FRMPD2: variants seen among roughly 807,000 people sequenced by gnomAD.
FRMPD2 encodes FERM and PDZ domain containing 2, also known as FERM and PDZ domain-containing protein 2.
Under a neutral mutation model 140.1 loss-of-function variants are expected in FRMPD2, and 96 were observed. The observed-to-expected ratio is 0.69, with a 90% CI of 0.58 to 0.81. The LOEUF is 0.81. Ranked by LOEUF, FRMPD2 falls within the 40% of genes least tolerant of loss-of-function variation. The pLI is 0.00. For missense variants in FRMPD2, 1,240 were observed against 1,447.4 expected, an observed-to-expected ratio of 0.86 and a Z score of 2.32; for synonymous variants, 449 against 547.6, an observed-to-expected ratio of 0.82 and a Z score of 2.52.
At chr10:48,204,691 C>A (rs1027193178) in intron 14 of FRMPD2, among the ~76,000 whole-genome samples, 1 of 152,108 alleles carries the variant, frequency 6.6e-6, no homozygotes, top group Non-Finnish European at 1.5e-5. Context: ...GATTTCTTTT[C>A]TCATTCTGAA....
chr10:48,209,968 A>G (rs1350881990), intron 13 of FRMPD2, among the ~76,000 whole-genome samples: 1 of 152,220 alleles, frequency 6.6e-6, no homozygotes, highest in East Asian at 1.9e-4. Flanking sequence ...TACATACATA[A>G]AAGTGCATGT....
chr10:48,212,145 A>G (rs1839341088), intron 12 of FRMPD2, 36 bp from the exon 13 acceptor site: 3 of 1,605,904 alleles, frequency 1.9e-6, no homozygotes, highest in East Asian at 2.2e-5. Context: ...GGCACAATCC[A>G]GACACTGGCC....
intron 4 of FRMPD2, among the ~76,000 whole-genome samples, chr10:48,244,128 G>A (rs1840189154): frequency 6.6e-6 from 1 of 152,148 alleles, no homozygotes. Flanking sequence ...GGGACTATAG[G>A]CATACACCAC....
intron 13 of FRMPD2, among the ~76,000 whole-genome samples, chr10:48,208,584 A>C (rs1286805791): frequency 6.6e-6 from 1 of 152,252 alleles, no homozygotes; most frequent in Non-Finnish European, 1.5e-5. Flanking sequence ...TTAACAACTG[A>C]AATACAGGGA....
chr10:48,197,482 C>A (rs187941651), intron 15 of FRMPD2, among the ~76,000 whole-genome samples: 6 of 152,312 alleles, frequency 3.9e-5, no homozygotes, highest in Admixed American at 2.6e-4. Flanking sequence ...CTACTGGACT[C>A]CACAGGCCAC....
intron 1 of FRMPD2, among the ~76,000 whole-genome samples, chr10:48,262,232 C>A (rs1588860578): frequency 6.6e-6 from 1 of 152,114 alleles, no homozygotes; most frequent in East Asian, 1.9e-4. Flanking sequence ...AATATGAAGG[C>A]ACAAATAGGT....
At chr10:48,250,706 G>A (rs1652244) in intron 2 of FRMPD2, among the ~76,000 whole-genome samples, 105,443 of 151,678 alleles carry the variant, frequency 0.7, 38,292 homozygotes, top group African/African-American at 0.9. Context: ...CCACACCAGC[G>A]TTTTCTTATG....
intron 1 of FRMPD2, among the ~76,000 whole-genome samples, chr10:48,252,419 C>A (rs1400431672): frequency 6.6e-6 from 1 of 152,152 alleles, no homozygotes; most frequent in Non-Finnish European, 1.5e-5. Flanking sequence ...CCGGAAGAAG[C>A]CAGGCGGGCT....
chr10:48,187,036 C>A (rs1838704976), intron 17 of FRMPD2, among the ~76,000 whole-genome samples, 156 bp downstream of exon 17: 1 of 152,172 alleles, frequency 6.6e-6, no homozygotes, highest in Admixed American at 6.5e-5. Flanking sequence ...AACGCCTCTT[C>A]CCAATCACAA....
At chr10:48,269,082 G>GA (rs1445938680) in intron 1 of FRMPD2, among the ~76,000 whole-genome samples, 2 of 152,116 alleles carry the variant, frequency 1.3e-5, no homozygotes, top group Non-Finnish European at 2.9e-5. Context: ...TAAAAGTTAA[G>GA]AAATAAACAG....
chr10:48,203,162 C>T (rs1588827352), intron 14 of FRMPD2, among the ~76,000 whole-genome samples: 1 of 152,276 alleles, frequency 6.6e-6, no homozygotes, highest in Middle Eastern at 3.4e-3. Flanking sequence ...GAATCATTCA[C>T]ACACCCACAT....
chr10:48,218,438 C>G (rs1000021197), intron 12 of FRMPD2, among the ~76,000 whole-genome samples: 1 of 152,210 alleles, frequency 6.6e-6, no homozygotes, highest in Non-Finnish European at 1.5e-5. Context: ...CCACATGTGA[C>G]TATTCACTTT....
At chr10:48,222,483 G>T (rs1041771364) in intron 11 of FRMPD2, 32 bp from the exon 12 acceptor site, 1 of 1,610,932 alleles carries the variant, frequency 6.2e-7, no homozygotes, top group African/African-American at 1.3e-5. Context: ...AAAGGGCTGG[G>T]TTGCTAAGGG....
intron 12 of FRMPD2, among the ~76,000 whole-genome samples, chr10:48,218,834 T>C (rs969891963): frequency 1.3e-5 from 2 of 152,226 alleles, no homozygotes; most frequent in African/African-American, 2.4e-5. Flanking sequence ...TAAGAGTGAT[T>C]GGGCTGGAAG....
chr10:48,203,087 T>C (rs554763328), intron 14 of FRMPD2, among the ~76,000 whole-genome samples: 52 of 152,200 alleles, frequency 3.4e-4, no homozygotes, highest in Non-Finnish European at 7.3e-4. Context: ...TGAGCCACTG[T>C]GCCTTGCAAG....
chr10:48,164,242 T>C (rs1230759518), intron 27 of FRMPD2, among the ~76,000 whole-genome samples: 11 of 151,154 alleles, frequency 7.3e-5, no homozygotes, highest in Admixed American at 6.6e-4. Flanking sequence ...ACTGTTTTTA[T>C]CTACAGCAGA....
chr10:48,191,687 A>G lies in FRMPD2; in HGVS notation c.2165+997T>C, dbSNP rs140251319. On this transcript the variant is annotated intron_variant, in intron 16 of 28. Transcript: ENST00000374201. ...TAGCTGGAAAACTCATCCCAAAAAA[A>G]CAGCTCCTGCAGCAACCTTCATTGG... Among the ~76,000 whole-genome samples the G allele has an allele frequency of 2.2e-3, 341 of 152,328 alleles. 1 individual carries two copies. The highest frequency in any genetic ancestry group is 7.5e-3 in the African/African-American group (310 of 41,564).
intron 9 of FRMPD2, among the ~76,000 whole-genome samples, chr10:48,235,329 T>C (rs902082018): frequency 6.6e-6 from 1 of 152,222 alleles, no homozygotes; most frequent in African/African-American, 2.4e-5. Flanking sequence ...CTGCATAAAT[T>C]GATGCAGCTG....
chr10:48,162,033 T>C (rs1837954651), intron 28 of FRMPD2, among the ~76,000 whole-genome samples: 1 of 150,596 alleles, frequency 6.6e-6, no homozygotes. Context: ...GCCTCCTCCC[T>C]ACAGGAAAGT....
Sources: gnomAD v4.1 joint callset for allele counts (sites outside exome capture counted in the v4.1 genomes callset) on GRCh38, gnomAD v4.1.1 for gene constraint, MANE v1.5 for transcripts, NCBI Gene and HGNC (gene_info 2026-07-23, HGNC 2026-07-21) for gene names.